Variants in CLSTN2 observed in about 807,000 individuals in gnomAD.
The protein encoded by CLSTN2 is calsyntenin-2.
In CLSTN2, 48 loss-of-function variants were observed where a neutral mutation model predicts 101.2. The ratio of observed to expected loss-of-function variants is 0.47; its 90% CI spans 0.38 to 0.60. The LOEUF (loss-of-function observed/expected upper bound fraction) is 0.60, where lower values mean the gene tolerates loss of function less well. Among genes scored for constraint, CLSTN2 ranks in the 20% least tolerant of loss-of-function variants. CLSTN2 has a pLI of 0.00. For synonymous variants in CLSTN2, 481 were observed against 463.6 expected (o/e 1.04, Z -0.48); for missense variants, 1,160 against 1,238.2 (o/e 0.94, Z 0.95).
intron 1 of CLSTN2, among the ~76,000 whole-genome samples, chr3:139,959,150 G>C (rs148870267): frequency 2.6e-5 from 4 of 152,066 alleles, no homozygotes; most frequent in Admixed American, 6.5e-5. Context: ...CACGTCTTCT[G>C]TCTCTGCTGA....
At chr3:140,416,676 G>A (rs755825708) in intron 4 of CLSTN2, among the ~76,000 whole-genome samples, 3 of 152,154 alleles carry the variant, frequency 2.0e-5, no homozygotes, top group Non-Finnish European at 1.5e-5. Context: ...ATATTGTACC[G>A]GTGCAGTGTG....
intron 2 of CLSTN2, among the ~76,000 whole-genome samples, chr3:140,307,571 G>A (rs1559834634): frequency 6.6e-6 from 1 of 152,208 alleles, no homozygotes; most frequent in Non-Finnish European, 1.5e-5. Context: ...TAATGACTTT[G>A]GAGGCGGTAC....
intron 1 of CLSTN2, among the ~76,000 whole-genome samples, chr3:139,997,214 C>T (rs531568494): frequency 2.5e-4 from 38 of 152,086 alleles, no homozygotes; most frequent in Non-Finnish European, 4.1e-4. Context: ...GATCTCTTAT[C>T]TGGGTTTTAC....
chr3:140,349,597 G>A (rs2087584737), intron 2 of CLSTN2, among the ~76,000 whole-genome samples: 1 of 152,282 alleles, frequency 6.6e-6, no homozygotes, highest in African/African-American at 2.4e-5. Context: ...TATTGGGTGT[G>A]GTATGAGGGG....
Position 140,346,108 on chromosome 3 carries a change from T to C in CLSTN2, c.233-57521T>C, listed in dbSNP as rs1477455148. The stretch of plus-strand genomic sequence containing the variant: ...CAGGGGGTGGCACAGCCCCAAACCC[T>C]GCTGTCTCTTTTTGTGCCATTTCTA... On this transcript the variant is annotated intron_variant, in intron 2 of 16. Coordinates refer to ENST00000458420, the MANE Select transcript of CLSTN2 (RefSeq NM_022131.3). Among the ~76,000 whole-genome samples the C allele has an allele frequency of 4.6e-5, 7 of 152,334 alleles. No individual in the cohort carries two copies. The East Asian group carries it at 1.2e-3, about 25-fold the overall frequency.
intron 1 of CLSTN2, among the ~76,000 whole-genome samples, chr3:140,163,704 C>G (rs552475143): frequency 7.3e-5 from 11 of 150,620 alleles, no homozygotes; most frequent in Admixed American, 2.7e-4. Flanking sequence ...ATCTAGGAGC[C>G]GTGGCCTTGC....
chr3:140,004,525 G>A (rs1237177277), intron 1 of CLSTN2, among the ~76,000 whole-genome samples: 1 of 152,162 alleles, frequency 6.6e-6, no homozygotes, highest in South Asian at 2.1e-4. Flanking sequence ...AAATATTTAA[G>A]CAGTCCTTCT....
At position 140,416,060 on chromosome 3, in the gene CLSTN2, T is replaced by C. The variant is rs186677481; in HGVS notation, c.638-5065T>C. Among the ~76,000 whole-genome samples the C allele has an allele frequency of 3.3e-5, 5 of 152,290 alleles. No individual in the cohort carries two copies. The East Asian group carries it at 9.7e-4, about 29-fold the overall frequency. ...AGGAAATCCTGCCGTTTGCAACAAC[T>C]TGGATGAACCCGAAGGACGTTATGC... On this transcript the variant is annotated intron_variant, in intron 4 of 16. Transcript: ENST00000458420.
At chr3:140,516,596 T>C (rs954824564) in intron 8 of CLSTN2, among the ~76,000 whole-genome samples, 1 of 152,012 alleles carries the variant, frequency 6.6e-6, no homozygotes, top group African/African-American at 2.4e-5. Flanking sequence ...CTTTCCTTCA[T>C]TTATGAAGCT....
At chr3:139,997,673 T>C (rs1046644503) in intron 1 of CLSTN2, among the ~76,000 whole-genome samples, 3 of 152,214 alleles carry the variant, frequency 2.0e-5, no homozygotes, top group African/African-American at 7.2e-5. Flanking sequence ...TTCATTCTTC[T>C]TCAGAAGTGA....
At chr3:140,481,035 G>C (rs549746242) in intron 8 of CLSTN2, among the ~76,000 whole-genome samples, 1 of 152,300 alleles carries the variant, frequency 6.6e-6, no homozygotes, top group East Asian at 1.9e-4. Context: ...CCTATGTCCT[G>C]AATGGTATTG....
At chr3:140,366,695 C>A (rs6794692) in intron 2 of CLSTN2, among the ~76,000 whole-genome samples, 2 of 151,982 alleles carry the variant, frequency 1.3e-5, no homozygotes, top group Non-Finnish European at 2.9e-5. Flanking sequence ...AAGCAAGTGC[C>A]CACAAAACCC....
chr3:140,030,662 A>C (rs1175483512), intron 1 of CLSTN2, among the ~76,000 whole-genome samples: 1 of 152,214 alleles, frequency 6.6e-6, no homozygotes, highest in Non-Finnish European at 1.5e-5. Context: ...CCTGACTCTC[A>C]GCTCTCTTTC....
At chr3:140,176,457 T>G (rs1350589964) in intron 2 of CLSTN2, among the ~76,000 whole-genome samples, 1 of 152,130 alleles carries the variant, frequency 6.6e-6, no homozygotes, top group Non-Finnish European at 1.5e-5. Context: ...ACTCATAGCT[T>G]GGTACATTGG....
intron 2 of CLSTN2, among the ~76,000 whole-genome samples, chr3:140,229,659 G>A (rs2107858903): frequency 1.3e-5 from 2 of 152,076 alleles, no homozygotes; most frequent in East Asian, 3.9e-4. Context: ...GGAGGAAGGG[G>A]AAAGCTGCTC....
chr3:140,321,261 G>A (rs572920942), intron 2 of CLSTN2, among the ~76,000 whole-genome samples: 17 of 152,246 alleles, frequency 1.1e-4, no homozygotes, highest in African/African-American at 3.4e-4. Flanking sequence ...ATATCCATAG[G>A]CGCAGAGTAA....
At chr3:140,200,898 C>T (rs2010710021) in intron 2 of CLSTN2, among the ~76,000 whole-genome samples, 1 of 152,094 alleles carries the variant, frequency 6.6e-6, no homozygotes, top group Non-Finnish European at 1.5e-5. Context: ...TACACCCCCT[C>T]CCTATCCAAG....
At chr3:140,442,280 A>G (rs1260203453) in intron 5 of CLSTN2, among the ~76,000 whole-genome samples, 1 of 152,104 alleles carries the variant, frequency 6.6e-6, no homozygotes, top group African/African-American at 2.4e-5. Context: ...ACTCTGGGAC[A>G]CCATTCACCT....
chr3:140,257,561 G>GGTGT (rs397877641), intron 2 of CLSTN2, among the ~76,000 whole-genome samples: 4,779 of 92,948 alleles, frequency 0.051, 102 homozygotes, highest in East Asian at 0.064. Flanking sequence ...TCTTTCTAGG[G>GGTGT]GTGTGTGTGT....
Sources: gnomAD v4.1 joint callset for allele counts (sites outside exome capture counted in the v4.1 genomes callset) on GRCh38, gnomAD v4.1.1 for gene constraint, MANE v1.5 for transcripts, NCBI Gene and HGNC (gene_info 2026-07-23, HGNC 2026-07-21) for gene names.